CHD6: variants seen among roughly 807,000 people sequenced by gnomAD.
CHD6 encodes the protein ATP-dependent chromatin remodeler CHD6.
Under a neutral mutation model 276.9 loss-of-function variants are expected in CHD6, and 50 were observed. The ratio of observed to expected loss-of-function variants is 0.18; its 90% CI spans 0.14 to 0.23. The LOEUF is 0.23. Among genes scored for constraint, CHD6 ranks in the 10% least tolerant of loss-of-function variants. The probability of loss-of-function intolerance (pLI) is 1.00; values close to 1 mark genes in which losing one functional copy is unlikely to be tolerated. For missense variants in CHD6, 2,564 were observed against 3,365.8 expected (o/e 0.76, Z 5.89); for synonymous variants, 1,173 against 1,229.3 (o/e 0.95, Z 0.96).
intron 16 of CHD6, among the ~76,000 whole-genome samples, chr20:41,478,754 A>G (rs967493197): frequency 2.0e-5 from 3 of 152,224 alleles, no homozygotes; most frequent in African/African-American, 7.2e-5. Context: ...AGCACAACCT[A>G]GTTAACTGCT....
chr20:41,422,080 C>G lies in CHD6; in HGVS notation c.4556-1G>C, dbSNP rs1388061726. On this transcript the variant is annotated splice_acceptor_variant, in intron 30 of 36. Coordinates refer to ENST00000373233, the MANE Select transcript of CHD6 (RefSeq NM_032221.5). LOFTEE classifies it high-confidence loss of function. ...ACGTAGATGGTGGTATCTGGGGGACCTGGAGAGAAAGGGAAATAAAGCCTA... is the reference window on the plus strand; with the variant it reads ...ACGTAGATGGTGGTATCTGGGGGACGTGGAGAGAAAGGGAAATAAAGCCTA... 3 of 1,600,342 alleles carry G rather than the reference C, an allele frequency of 1.9e-6. No individual in the cohort carries two copies. Among genetic ancestry groups the G allele is most frequent in the Non-Finnish European group, 1.7e-6 (2 of 1,171,354 alleles).
intron 14 of CHD6, among the ~76,000 whole-genome samples, chr20:41,486,841 G>A (rs931454821): frequency 1.3e-5 from 2 of 151,122 alleles, no homozygotes; most frequent in Admixed American, 6.6e-5. Context: ...CTCTGATTAT[G>A]CTGGGTTTTT....
intron 36 of CHD6, among the ~76,000 whole-genome samples, chr20:41,407,851 T>G (rs967223600): frequency 5.3e-5 from 8 of 152,172 alleles, no homozygotes; most frequent in African/African-American, 1.9e-4. Flanking sequence ...AAGGAAGCAC[T>G]GATCACGTGT....
chr20:41,506,401 T>A (rs1405698151), intron 5 of CHD6, among the ~76,000 whole-genome samples: 1 of 152,090 alleles, frequency 6.6e-6, no homozygotes, highest in African/African-American at 2.4e-5. Flanking sequence ...AGCATGCCTC[T>A]ACCTCAGGAC....
chr20:41,475,663 C>T (rs370394231), intron 16 of CHD6, among the ~76,000 whole-genome samples: 5 of 152,038 alleles, frequency 3.3e-5, no homozygotes, highest in Non-Finnish European at 7.4e-5. Context: ...ACAGCCATTT[C>T]CCCCCCTCTA....
At position 41,488,698 on chromosome 20, in the gene CHD6, T is replaced by C. The variant is rs2043476566; in HGVS notation, c.1681-94A>G. The C allele has an allele frequency of 3.7e-6, 4 of 1,077,874 alleles. No individual in the cohort carries two copies. The African/African-American group carries it at 6.4e-5, about 17-fold the overall frequency. 66.8% of individuals were successfully genotyped at this position (1,077,874 alleles called of 1,614,324 possible). On this transcript the variant is annotated intron_variant, in intron 12 of 36. Coordinates refer to ENST00000373233, the MANE Select transcript of CHD6 (RefSeq NM_032221.5). The stretch of plus-strand genomic sequence containing the variant: ...CTACAGGAGGCAGCACTACAGATGC[T>C]GGGGCCTAGGTGAGAAGACAAGCAC...
chr20:41,432,081 A>C (rs576888036), intron 27 of CHD6, among the ~76,000 whole-genome samples: 1 of 148,012 alleles, frequency 6.8e-6, no homozygotes, highest in African/African-American at 2.6e-5. Context: ...AATCACTTGA[A>C]GCTGGGAGGT....
rs1388771967 is a variant in CHD6 at position 41,488,578 on chromosome 20, C to T, written c.1707G>A (p.Lys569=). The T allele has an allele frequency of 6.2e-7, 1 of 1,613,548 alleles. No homozygotes were observed. The highest frequency in any genetic ancestry group is 8.5e-7 in the Non-Finnish European group (1 of 1,179,788). Residue 569 remains lysine (K), a synonymous_variant, in exon 13 of 37, where the codon AAG becomes AAA. Transcript: ENST00000373233. ...CAAATGTTGTGATGACGACGTGGAA[C>T]TTGAAGACTCCTGAAAGGGGGTTTC... is the stretch of plus-strand genomic sequence containing the variant. ...AQGNPLSGVF[K]FHVVITTFEM... is the part of the protein sequence containing the mutation.
intron 1 of CHD6, among the ~76,000 whole-genome samples, chr20:41,580,506 T>C (rs891618095): frequency 4.0e-5 from 6 of 150,884 alleles, no homozygotes; most frequent in African/African-American, 4.9e-5. Context: ...AAATAAAAAA[T>C]TAGAGAACCC....
At chr20:41,499,183 T>C in intron 6 of CHD6, 112 bp downstream of exon 6, 2 of 737,556 alleles carry the variant, frequency 2.7e-6, no homozygotes, top group African/African-American at 3.6e-5. Flanking sequence ...TATTCTTGCC[T>C]AGCTCTCACT....
chr20:41,454,606 A>T lies in CHD6; in HGVS notation c.3120+20T>A. 2 of 1,553,330 alleles carry T rather than the reference A, an allele frequency of 1.3e-6. No homozygotes were observed. The highest frequency in any genetic ancestry group is 1.8e-6 in the Non-Finnish European group (2 of 1,127,946). On this transcript the variant is annotated intron_variant, in intron 20 of 36. Transcript: ENST00000373233. ...GACATAAGTGAATGTTCCATGGAATAAAATATTATTTTGCTGTACCTTTTC... is the reference window on the plus strand; with the variant it reads ...GACATAAGTGAATGTTCCATGGAATTAAATATTATTTTGCTGTACCTTTTC...
chr20:41,586,861 ATAGT>A (rs2045601006), intron 1 of CHD6, among the ~76,000 whole-genome samples: 1 of 152,352 alleles, frequency 6.6e-6, no homozygotes, highest in Non-Finnish European at 1.5e-5. Context: ...CAAAAAACGT[ATAGT>A]TAATGTGAAT....
chr20:41,464,140 T>G lies in CHD6; in HGVS notation c.2665-6712A>C, dbSNP rs538655235. ...AAATGAAATTATATAGAAATAAAAA[T>G]GTATAAACATATGAAATACAGACCC... On this transcript the variant is annotated intron_variant, in intron 17 of 36. Transcript: ENST00000373233. 5.4e-4 allele frequency among the ~76,000 whole-genome samples: 82 copies of G among 152,296 alleles called. 1 individual carries two copies. Among genetic ancestry groups the G allele is most frequent in the African/African-American group, 1.9e-3 (78 of 41,566 alleles).
chr20:41,588,938 C>A (rs2045625829), intron 1 of CHD6, among the ~76,000 whole-genome samples: 3 of 152,100 alleles, frequency 2.0e-5, no homozygotes, highest in Admixed American at 2.0e-4. Flanking sequence ...AGACCAATAT[C>A]CCTGATGAAC....
chr20:41,534,386 T>C (rs1249685508), intron 2 of CHD6, among the ~76,000 whole-genome samples: 2 of 152,218 alleles, frequency 1.3e-5, no homozygotes, highest in African/African-American at 4.8e-5. Flanking sequence ...CCAGGTGGCA[T>C]GGTTTCCCTT....
intron 1 of CHD6, among the ~76,000 whole-genome samples, chr20:41,555,958 C>A (rs925372779): frequency 2.0e-5 from 3 of 152,226 alleles, no homozygotes; most frequent in Admixed American, 1.3e-4. Flanking sequence ...CCAGCCTGGG[C>A]ACCATTGAGC....
intron 20 of CHD6, among the ~76,000 whole-genome samples, chr20:41,453,692 G>C (rs1046618701): frequency 1.3e-5 from 2 of 152,184 alleles, no homozygotes; most frequent in Non-Finnish European, 2.9e-5. Flanking sequence ...GGGCCACAGT[G>C]CTTTCTCCCC....
At position 41,416,451 on chromosome 20, in the gene CHD6, C is replaced by T. The variant is rs530175690; in HGVS notation, c.6486+137G>A. On this transcript the variant is annotated intron_variant, in intron 33 of 36. Coordinates refer to ENST00000373233, the MANE Select transcript of CHD6 (RefSeq NM_032221.5). ...ACATACAGGATAAAGTCTAAATTCC[C>T]CAATCAACACTAATGGCTTGGCAAA... The T allele has an allele frequency of 4.0e-4, 284 of 715,416 alleles. 7 individuals carry two copies. The South Asian group carries it at 5.1e-3, about 13-fold the overall frequency. The allele number at this position is 715,416 out of a possible 1,614,324, so 44.3% of individuals were successfully genotyped here.
chr20:41,538,591 A>G (rs1391900292), intron 2 of CHD6, among the ~76,000 whole-genome samples: 1 of 152,216 alleles, frequency 6.6e-6, no homozygotes, highest in Non-Finnish European at 1.5e-5. Context: ...TATTCTAAAA[A>G]CCACAAAATT....
Sources: allele counts gnomAD v4.1 joint callset (sites outside exome capture counted in the v4.1 genomes callset), GRCh38; gene constraint gnomAD v4.1.1; transcripts MANE v1.5; gene names NCBI Gene and HGNC (gene_info 2026-07-23, HGNC 2026-07-21).